Variants in CBFA2T3 observed in about 807,000 individuals in gnomAD.
The protein encoded by CBFA2T3 is transcriptional corepressor CBFA2T3.
CBFA2T3 carries 31 observed loss-of-function variants against 58.6 expected under a neutral mutation model. The observed-to-expected ratio is 0.53, with a 90% CI of 0.40 to 0.71. The LOEUF is 0.71. Ranked by LOEUF, CBFA2T3 falls within the 30% of genes least tolerant of loss-of-function variation. CBFA2T3 has a pLI of 0.00. For missense variants in CBFA2T3, 1,076 were observed against 963.1 expected, an observed-to-expected ratio of 1.12 and a Z score of -1.55; for synonymous variants, 531 against 421.9, an observed-to-expected ratio of 1.26 and a Z score of -3.17.
At chr16:88,914,104 G>A (rs776084818) in intron 1 of CBFA2T3, among the ~76,000 whole-genome samples, 1 of 152,238 alleles carries the variant, frequency 6.6e-6, no homozygotes, top group Non-Finnish European at 1.5e-5. Context: ...GGCCCACCAA[G>A]TACAACACTG....
intron 1 of CBFA2T3, among the ~76,000 whole-genome samples, chr16:88,908,931 C>G (rs983085276): frequency 6.6e-6 from 1 of 152,190 alleles, no homozygotes; most frequent in African/African-American, 2.4e-5. Flanking sequence ...TAGAGGCTGT[C>G]AGGTGGGGAA....
At chr16:88,959,135 G>A (rs973384466) in intron 1 of CBFA2T3, among the ~76,000 whole-genome samples, 9 of 152,206 alleles carry the variant, frequency 5.9e-5, no homozygotes, top group Non-Finnish European at 2.9e-5. Context: ...TTGACGCGCT[G>A]AATCGTGTGC....
chr16:88,911,953 C>T (rs145277657), intron 1 of CBFA2T3, among the ~76,000 whole-genome samples: 184 of 152,372 alleles, frequency 1.2e-3, no homozygotes, highest in African/African-American at 4.1e-3. Context: ...GACTGCCCAC[C>T]GGCTGCCATC....
chr16:88,960,200 G>C (rs994294508), intron 1 of CBFA2T3, among the ~76,000 whole-genome samples: 2 of 152,156 alleles, frequency 1.3e-5, no homozygotes, highest in Non-Finnish European at 2.9e-5. Context: ...GAGTGGTATT[G>C]AATGACTCAG....
intron 1 of CBFA2T3, among the ~76,000 whole-genome samples, chr16:88,912,435 G>A (rs1028769837): frequency 7.2e-5 from 11 of 152,306 alleles, no homozygotes; most frequent in Admixed American, 5.9e-4. Context: ...CAGGGCCTTG[G>A]CTCCTACTGG....
rs564247686 is a variant in CBFA2T3, at chr16:88,876,430, TTCTC to T, written c.*542_*545del. On this transcript the variant is annotated 3_prime_UTR_variant, in exon 12 of 12. Coordinates refer to ENST00000268679, the MANE Select transcript of CBFA2T3 (RefSeq NM_005187.6). ...TCCAGCTATAAAATCGCAGTTTTCT[TTCTC>T]CCTTTTTAATCAGGAGGGGGAGAAC... 1.4e-4 allele frequency: 33 copies of T among 230,474 alleles called. 1 individual carries two copies. The South Asian group carries it at 5.3e-3, about 37-fold the overall frequency. The allele number at this position is 230,474 out of a possible 1,614,324, so 14.3% of individuals were successfully genotyped here.
At chr16:88,912,275 C>CA (rs2142703809) in intron 1 of CBFA2T3, among the ~76,000 whole-genome samples, 2 of 152,372 alleles carry the variant, frequency 1.3e-5, no homozygotes, top group East Asian at 3.9e-4. Flanking sequence ...CTGCACCCTG[C>CA]AAGTGAACCC....
intron 1 of CBFA2T3, among the ~76,000 whole-genome samples, chr16:88,916,804 T>G (rs1597724152): frequency 6.6e-6 from 1 of 152,030 alleles, no homozygotes; most frequent in Non-Finnish European, 1.5e-5. Context: ...AAGGCGAGAC[T>G]GCTAGGTGGA....
At position 88,895,576 on chromosome 16, in the gene CBFA2T3, G is replaced by A. The variant is rs190588937; in HGVS notation, c.379+2502C>T. ...AACAGCGCTGGGCACAGTGGCACAG[G>A]GGGGAGGCCGGCCCTGTGCTCTGGA... is the stretch of plus-strand genomic sequence containing the variant. On this transcript the variant is annotated intron_variant, in intron 3 of 11. Transcript: ENST00000268679. 5.8e-4 allele frequency among the ~76,000 whole-genome samples: 89 copies of A among 152,228 alleles called. 2 individuals are homozygous for A. Among genetic ancestry groups the A allele is most frequent in the Non-Finnish European group, 4.4e-5 (3 of 68,012 alleles).
chr16:88,904,650 C>A (rs565950977), intron 1 of CBFA2T3, among the ~76,000 whole-genome samples: 1 of 152,318 alleles, frequency 6.6e-6, no homozygotes, highest in Non-Finnish European at 1.5e-5. Context: ...GTCCTCCCCT[C>A]CGTTCTCCAG....
intron 1 of CBFA2T3, among the ~76,000 whole-genome samples, chr16:88,964,902 A>G (rs563476388): frequency 4.3e-5 from 6 of 141,158 alleles, no homozygotes; most frequent in African/African-American, 1.6e-4. Context: ...TCCACCATCT[A>G]TCCACTTATC....
chr16:88,921,529 C>T (rs1013302493), intron 1 of CBFA2T3, among the ~76,000 whole-genome samples: 7 of 152,144 alleles, frequency 4.6e-5, no homozygotes, highest in Admixed American at 3.9e-4. Context: ...GGGTCCAGCC[C>T]CTGCCCCTCT....
At chr16:88,973,042 A>C (rs918952515) in intron 1 of CBFA2T3, among the ~76,000 whole-genome samples, 1 of 152,186 alleles carries the variant, frequency 6.6e-6, no homozygotes, top group Non-Finnish European at 1.5e-5. Flanking sequence ...ATGATCCACC[A>C]GCTCCAAAGC....
chr16:88,882,717 T>C lies in CBFA2T3; in HGVS notation c.1162A>G (p.Thr388Ala), dbSNP rs1366585278. Residue 388 changes from threonine (T) to alanine (A), a missense_variant, in exon 8 of 12, where the codon ACA becomes GCA. Physicochemically the swap from Thr to Ala is moderately conservative, Grantham distance 58. Transcript: ENST00000268679. The part of the protein sequence containing the change: ...RQEEVIDHKL[T>A]EREWAEEWKH... ...CACTCTTCTGCCCACTCACGCTCTG[T>C]GAGCTTGTGGTCGATCACTTCTTCC... The C allele has an allele frequency of 2.5e-6, 4 of 1,587,916 alleles. No individual in the cohort carries two copies. The highest frequency in any genetic ancestry group is 3.4e-6 in the Non-Finnish European group (4 of 1,165,900).
intron 1 of CBFA2T3, among the ~76,000 whole-genome samples, chr16:88,975,909 G>A (rs377508421): frequency 3.1e-4 from 47 of 152,372 alleles, no homozygotes; most frequent in East Asian, 5.8e-4. Context: ...CCCGCGAGAC[G>A]GGAGACTGTG....
chr16:88,877,917 C>A (rs1250936586), intron 11 of CBFA2T3, among the ~76,000 whole-genome samples: 1 of 152,220 alleles, frequency 6.6e-6, no homozygotes, highest in African/African-American at 2.4e-5. Context: ...GTGGGAAGCC[C>A]AAACCTGCCC....
At chr16:88,943,942 G>T (rs1971831023) in intron 1 of CBFA2T3, among the ~76,000 whole-genome samples, 1 of 152,322 alleles carries the variant, frequency 6.6e-6, no homozygotes, top group African/African-American at 2.4e-5. Flanking sequence ...CACACTCAGG[G>T]CTCGGGAGGG....
chr16:88,898,728 G>A (rs1400154901), intron 2 of CBFA2T3, among the ~76,000 whole-genome samples: 1 of 152,198 alleles, frequency 6.6e-6, no homozygotes, highest in South Asian at 2.1e-4. Context: ...GCACCAAACA[G>A]GAAGAAAGAT....
intron 8 of CBFA2T3, among the ~76,000 whole-genome samples, chr16:88,882,077 G>C (rs574572023): frequency 6.6e-6 from 1 of 152,238 alleles, no homozygotes; most frequent in South Asian, 2.1e-4. Context: ...GAGGGTTTTA[G>C]GAATCCTCCT....
Sources: allele counts gnomAD v4.1 joint callset (sites outside exome capture counted in the v4.1 genomes callset), GRCh38; gene constraint gnomAD v4.1.1; transcripts MANE v1.5; gene names NCBI Gene and HGNC (gene_info 2026-07-23, HGNC 2026-07-21).